ANKS1B: variants seen among roughly 807,000 people sequenced by gnomAD.
ANKS1B encodes ankyrin repeat and sterile alpha motif domain-containing protein 1B.
In ANKS1B, 36 loss-of-function variants were observed where a neutral mutation model predicts 148.3. That is an observed-to-expected ratio of 0.24 (90% CI 0.19 to 0.32). The LOEUF (loss-of-function observed/expected upper bound fraction) is 0.32. ANKS1B is among the 10% of genes least tolerant of loss of function. The pLI, the probability that ANKS1B is intolerant of heterozygous loss-of-function variation, is 1.00. For missense variants in ANKS1B, 1,157 were observed against 1,542.6 expected, an observed-to-expected ratio of 0.75 and a Z score of 4.19; for synonymous variants, 542 against 560.8, an observed-to-expected ratio of 0.97 and a Z score of 0.47.
At chr12:99,763,998 GTATTCAT>G (rs575673456) in intron 8 of ANKS1B, among the ~76,000 whole-genome samples, 21 of 152,150 alleles carry the variant, frequency 1.4e-4, no homozygotes, top group Non-Finnish European at 2.1e-4. Context: ...AACTGGCGAG[GTATTCAT>G]TATTTGAAAA....
chr12:99,562,542 A>C (rs2153201670), intron 9 of ANKS1B, among the ~76,000 whole-genome samples: 1 of 152,362 alleles, frequency 6.6e-6, no homozygotes, highest in Middle Eastern at 3.4e-3. Context: ...TGAGTAATTT[A>C]TAAAGGAAAG....
intron 11 of ANKS1B, among the ~76,000 whole-genome samples, chr12:99,405,303 T>C (rs1036767433): frequency 6.9e-6 from 1 of 144,596 alleles, no homozygotes; most frequent in African/African-American, 2.6e-5. Context: ...AATGAAAAAA[T>C]AGACTGATAA....
chr12:99,411,046 C>T (rs1015658778), intron 11 of ANKS1B, among the ~76,000 whole-genome samples: 2 of 152,128 alleles, frequency 1.3e-5, no homozygotes, highest in African/African-American at 4.8e-5. Flanking sequence ...GCCAGGGGCA[C>T]CTGGGTTGGA....
intron 9 of ANKS1B, among the ~76,000 whole-genome samples, chr12:99,619,774 G>A (rs1031059721): frequency 1.3e-5 from 2 of 152,154 alleles, no homozygotes; most frequent in Non-Finnish European, 2.9e-5. Flanking sequence ...GGGCTGAGGA[G>A]GTTTCCCAAC....
At chr12:99,689,517 T>C (rs2098667820) in intron 8 of ANKS1B, among the ~76,000 whole-genome samples, 1 of 152,222 alleles carries the variant, frequency 6.6e-6, no homozygotes, top group African/African-American at 2.4e-5. Context: ...ACTCTTGTGA[T>C]TATGTTATGT....
intron 9 of ANKS1B, chr12:99,647,863 C>T (rs1040673233): frequency 5.9e-6 from 2 of 341,616 alleles, no homozygotes; most frequent in African/African-American, 2.0e-5. Flanking sequence ...AAATGGAGGT[C>T]CCTCCCGAAT....
At chr12:99,977,271 G>A (rs1475348316) in intron 1 of ANKS1B, among the ~76,000 whole-genome samples, 2 of 152,144 alleles carry the variant, frequency 1.3e-5, no homozygotes, top group Admixed American at 6.6e-5. Context: ...AGCCTCTCAA[G>A]TAGTTGGGGC....
At chr12:98,820,977 A>G (rs188079153) in intron 19 of ANKS1B, among the ~76,000 whole-genome samples, 215 of 152,358 alleles carry the variant, frequency 1.4e-3, no homozygotes, top group African/African-American at 4.6e-3. Flanking sequence ...TCTCAAAATA[A>G]TAACAATAAT....
intron 12 of ANKS1B, among the ~76,000 whole-genome samples, chr12:99,348,969 T>C (rs2091084523): frequency 6.6e-6 from 1 of 151,944 alleles, no homozygotes; most frequent in Non-Finnish European, 1.5e-5. Flanking sequence ...AATGCATAAA[T>C]CAATAATTAT....
At chr12:99,891,248 G>A (rs963901889) in intron 1 of ANKS1B, among the ~76,000 whole-genome samples, 8 of 152,124 alleles carry the variant, frequency 5.3e-5, no homozygotes, top group Non-Finnish European at 7.3e-5. Flanking sequence ...AGCAATGAAG[G>A]TTCCACGTTC....
At chr12:98,791,721 C>T (rs961892551) in intron 22 of ANKS1B, among the ~76,000 whole-genome samples, 1 of 152,124 alleles carries the variant, frequency 6.6e-6, no homozygotes, top group Non-Finnish European at 1.5e-5. Flanking sequence ...CTGTGCCCAG[C>T]TCAACAGAGA....
intron 12 of ANKS1B, among the ~76,000 whole-genome samples, chr12:99,314,943 C>T (rs946251508): frequency 2.0e-5 from 3 of 152,120 alleles, no homozygotes; most frequent in African/African-American, 7.2e-5. Context: ...AGCTTCTGCA[C>T]AGCAAAAGAA....
At position 98,745,698 on chromosome 12, in the gene ANKS1B, T is replaced by C; in HGVS notation, c.*41A>G. On this transcript the variant is annotated 3_prime_UTR_variant, in exon 27 of 27. Coordinates refer to ENST00000683438, the MANE Select transcript of ANKS1B (RefSeq NM_001352186.2). Reference sequence around the variant, plus strand: ...GAAGGAAAGCCTGCTCCGGGACCGCTTGGCGAGCAAGGCACCGCGAGGACA... The same window carrying C: ...GAAGGAAAGCCTGCTCCGGGACCGCCTGGCGAGCAAGGCACCGCGAGGACA... The C allele has an allele frequency of 1.2e-6, 2 of 1,608,448 alleles. No individual in the cohort carries two copies. The highest frequency in any genetic ancestry group is 1.7e-6 in the Non-Finnish European group (2 of 1,176,926).
At chr12:99,439,683 A>G (rs2095518109) in intron 11 of ANKS1B, among the ~76,000 whole-genome samples, 1 of 151,782 alleles carries the variant, frequency 6.6e-6, no homozygotes, top group Non-Finnish European at 1.5e-5. Flanking sequence ...AAATTCTCAC[A>G]CATTGCTACT....
chr12:99,318,201 C>G (rs2084525504), intron 12 of ANKS1B, among the ~76,000 whole-genome samples: 1 of 152,116 alleles, frequency 6.6e-6, no homozygotes, highest in African/African-American at 2.4e-5. Context: ...GGGAGGATTC[C>G]CTCTTTTTCT....
chr12:99,215,839 T>C, intron 14 of ANKS1B, among the ~76,000 whole-genome samples: 1 of 152,206 alleles, frequency 6.6e-6, no homozygotes, highest in Non-Finnish European at 1.5e-5. Context: ...GACTGTGGAC[T>C]TTTGAGTTAA....
chr12:99,885,210 AT>A, intron 1 of ANKS1B, among the ~76,000 whole-genome samples: 1 of 149,684 alleles, frequency 6.7e-6, no homozygotes, highest in South Asian at 2.1e-4. Flanking sequence ...CTTAAACGTT[AT>A]TTTTTCATAA....
intron 1 of ANKS1B, among the ~76,000 whole-genome samples, chr12:99,945,734 T>A (rs577437623): frequency 9.9e-5 from 15 of 152,130 alleles, no homozygotes; most frequent in Non-Finnish European, 1.9e-4. Flanking sequence ...GAACACAGAC[T>A]GAGCAGAAAG....
At chr12:99,682,987 A>G (rs2098629964) in intron 8 of ANKS1B, among the ~76,000 whole-genome samples, 1 of 152,200 alleles carries the variant, frequency 6.6e-6, no homozygotes, top group Admixed American at 6.5e-5. Context: ...CCTAACAATC[A>G]TGGCAGAAGG....
Sources: allele counts gnomAD v4.1 joint callset (sites outside exome capture counted in the v4.1 genomes callset), GRCh38; gene constraint gnomAD v4.1.1; transcripts MANE v1.5; gene names NCBI Gene and HGNC (gene_info 2026-07-23, HGNC 2026-07-21).